Variants in SPATS2 observed in about 807,000 individuals in gnomAD.
SPATS2 encodes the protein spermatogenesis associated serine rich 2.
A neutral mutation model predicts 63.7 loss-of-function variants in SPATS2; 38 were observed. That is an observed-to-expected ratio of 0.60 (90% confidence interval 0.46 to 0.78). The LOEUF (loss-of-function observed/expected upper bound fraction) is 0.78. Among genes scored for constraint, SPATS2 ranks in the 30% least tolerant of loss-of-function variants. The pLI is 0.00. For missense variants in SPATS2, 588 were observed against 666.2 expected (o/e 0.88, Z 1.29); for synonymous variants, 207 against 232.9 (o/e 0.89, Z 1.01).
chr12:49,515,185 T>G (rs1232893314), intron 10 of SPATS2, among the ~76,000 whole-genome samples: 1 of 152,182 alleles, frequency 6.6e-6, no homozygotes, highest in Non-Finnish European at 1.5e-5. Context: ...CTTTGGTGAT[T>G]TGTGGGGTTT....
At position 49,484,560 on chromosome 12, in the gene SPATS2, G is replaced by GT. The variant is rs777089643; in HGVS notation, c.26-28dup. 9 of 1,602,548 alleles carry GT rather than the reference G, an allele frequency of 5.6e-6. No homozygotes were observed. The East Asian group carries it at 1.8e-4, about 32-fold the overall frequency. On this transcript the variant is annotated intron_variant, in intron 3 of 13. Transcript: ENST00000552918. ...TAGGGATGGATTATATTTGGATCATGTTGAATATATTTTTCCCTTATTCTT... is the reference window on the plus strand; with the variant it reads ...TAGGGATGGATTATATTTGGATCATGTTTGAATATATTTTTCCCTTATTCTT...
chr12:49,500,934 TTTATTAA>T (rs1342105491), intron 9 of SPATS2, among the ~76,000 whole-genome samples: 2 of 152,084 alleles, frequency 1.3e-5, no homozygotes, highest in African/African-American at 2.4e-5. Context: ...AAAGTGCCCT[TTTATTAA>T]TTATTATTAT....
intron 9 of SPATS2, among the ~76,000 whole-genome samples, chr12:49,509,663 A>G (rs1434039311): frequency 6.6e-6 from 1 of 151,890 alleles, no homozygotes; most frequent in East Asian, 2.0e-4. Context: ...TGAAAATACA[A>G]AAATTAGCCA....
intron 10 of SPATS2, among the ~76,000 whole-genome samples, chr12:49,514,944 GA>G: frequency 6.6e-6 from 1 of 151,932 alleles, no homozygotes; most frequent in Non-Finnish European, 1.5e-5. Flanking sequence ...TTTCTACTTG[GA>G]AAAAAACCTT....
At chr12:49,412,133 A>G (rs750088798) in intron 2 of SPATS2, among the ~76,000 whole-genome samples, 7 of 152,176 alleles carry the variant, frequency 4.6e-5, no homozygotes, top group Non-Finnish European at 1.0e-4. Context: ...TTAAAACACT[A>G]TAAATTAGTG....
intron 4 of SPATS2, among the ~76,000 whole-genome samples, chr12:49,488,724 AAAC>A: frequency 1.3e-5 from 2 of 152,318 alleles, no homozygotes; most frequent in African/African-American, 4.8e-5. Flanking sequence ...TATGTGAAAA[AAAC>A]AAATTGAAGA....
chr12:49,483,669 GT>G (rs1311354711), intron 3 of SPATS2, among the ~76,000 whole-genome samples: 3 of 152,098 alleles, frequency 2.0e-5, no homozygotes, highest in Admixed American at 6.6e-5. Context: ...TATTACCGTG[GT>G]TTTTTTGTAC....
At chr12:49,468,190 T>C (rs1483296237) in intron 3 of SPATS2, among the ~76,000 whole-genome samples, 11 of 149,642 alleles carry the variant, frequency 7.4e-5, no homozygotes, top group African/African-American at 2.7e-4. Flanking sequence ...AAATGGAGTC[T>C]TGCTTTGTTG....
intron 2 of SPATS2, among the ~76,000 whole-genome samples, chr12:49,458,977 G>C (rs189250203): frequency 1.1e-4 from 16 of 152,212 alleles, no homozygotes; most frequent in Admixed American, 9.8e-4. Flanking sequence ...TAAATGGTTT[G>C]TTTTCAAGGC....
intron 10 of SPATS2, among the ~76,000 whole-genome samples, chr12:49,515,323 C>T (rs1344008130): frequency 1.3e-5 from 2 of 152,182 alleles, no homozygotes; most frequent in Admixed American, 6.5e-5. Context: ...TGAGGCATTT[C>T]GGTGGCAGGT....
chr12:49,444,728 T>C (rs1362153308), intron 2 of SPATS2, among the ~76,000 whole-genome samples: 1 of 151,964 alleles, frequency 6.6e-6, no homozygotes, highest in African/African-American at 2.4e-5. Flanking sequence ...CTCAGCCTGC[T>C]GAGTAGCTGG....
intron 2 of SPATS2, 74 bp from the exon 3 acceptor site, chr12:49,460,696 G>A (rs1245670960): frequency 1.3e-5 from 4 of 302,506 alleles, no homozygotes; most frequent in Admixed American, 1.0e-4. Context: ...AAGAAACCTT[G>A]TGGATATCTC....
At chr12:49,437,124 C>T (rs1056784926) in intron 2 of SPATS2, among the ~76,000 whole-genome samples, 5 of 151,660 alleles carry the variant, frequency 3.3e-5, no homozygotes, top group South Asian at 2.1e-4. Flanking sequence ...GTGTGGCTGC[C>T]GGGTGGAGGG....
In SPATS2 at chr12:49,515,704, C is replaced by T. The variant is rs533417921; in HGVS notation, c.898+1091C>T. The stretch of plus-strand genomic sequence containing the variant: ...AGATAAACTAAAACCACTAAGAAGA[C>T]ATATTTCTTAGTTTTGAGAAGAAGG... On this transcript the variant is annotated intron_variant, in intron 10 of 13. Transcript: ENST00000552918. Among the ~76,000 whole-genome samples, 3 of 152,254 alleles carry T rather than the reference C, an allele frequency of 2.0e-5. No individual in the cohort carries two copies. The South Asian group carries it at 6.2e-4, about 32-fold the overall frequency.
chr12:49,374,042 T>C (rs1458910616), intron 2 of SPATS2, among the ~76,000 whole-genome samples: 1 of 151,862 alleles, frequency 6.6e-6, no homozygotes, highest in African/African-American at 2.4e-5. Context: ...GCTATGATCA[T>C]GTCACTGCAC....
At position 49,494,988 on chromosome 12, in the gene SPATS2, C is replaced by T. The variant is rs1395093465; in HGVS notation, c.512C>T (p.Thr171Met). The change falls in exon 7 of 14, where the codon ACG (threonine) becomes ATG (methionine). Residue 171 changes from threonine to methionine, a missense_variant. By Grantham distance (81) the Thr-to-Met change is moderately conservative. Coordinates refer to ENST00000552918, the MANE Select transcript of SPATS2 (RefSeq NM_023071.4). ...LEDPESAMLD[T>M]LDRTGSMLQN... ...GATCCCGAGTCTGCCATGCTAGATACGCTGGATAGAACAGGTGAGTTTATT... is the reference window on the plus strand; with the variant it reads ...GATCCCGAGTCTGCCATGCTAGATATGCTGGATAGAACAGGTGAGTTTATT... 8 of 1,610,104 alleles carry T rather than the reference C, an allele frequency of 5.0e-6. No homozygotes were observed. Among genetic ancestry groups the T allele is most frequent in the South Asian group, 1.1e-5 (1 of 90,336 alleles).
intron 2 of SPATS2, among the ~76,000 whole-genome samples, chr12:49,412,592 C>T (rs1350459850): frequency 1.3e-5 from 2 of 151,670 alleles, no homozygotes; most frequent in Non-Finnish European, 2.9e-5. Flanking sequence ...AATTAGAAGT[C>T]GTTTCAGGCT....
intron 2 of SPATS2, among the ~76,000 whole-genome samples, chr12:49,430,108 T>G (rs540366314): frequency 4.1e-5 from 6 of 146,328 alleles, no homozygotes; most frequent in Non-Finnish European, 9.0e-5. Flanking sequence ...TGTTTTTTTT[T>G]TTTTTTTTTT....
At chr12:49,484,122 C>A (rs1172438690) in intron 3 of SPATS2, among the ~76,000 whole-genome samples, 2 of 152,182 alleles carry the variant, frequency 1.3e-5, no homozygotes, top group African/African-American at 4.8e-5. Flanking sequence ...GGGACACACA[C>A]ATGAATGTAT....
Sources: allele counts gnomAD v4.1 joint callset (sites outside exome capture counted in the v4.1 genomes callset), GRCh38; gene constraint gnomAD v4.1.1; transcripts MANE v1.5; gene names NCBI Gene and HGNC (gene_info 2026-07-23, HGNC 2026-07-21).